Variants in NOSTRIN observed in about 807,000 individuals in gnomAD.
The protein encoded by NOSTRIN is nitric oxide synthase trafficking, also known as BM247 homolog.
In NOSTRIN, 63 loss-of-function variants were observed where a neutral mutation model predicts 59.0. The observed-to-expected ratio is 1.07, with a 90% CI of 0.87 to 1.32. NOSTRIN has a LOEUF of 1.32. Among genes scored for constraint, NOSTRIN ranks in the 40% most tolerant of loss-of-function variants. The pLI is 0.00. For missense variants in NOSTRIN, 512 were observed against 473.1 expected, an observed-to-expected ratio of 1.08 and a Z score of -0.76; for synonymous variants, 200 against 165.4, an observed-to-expected ratio of 1.21 and a Z score of -1.61.
rs376539345 is a variant in NOSTRIN, at chr2:168,814,432, C to T, written c.113+2780C>T. 9.1e-4 allele frequency among the ~76,000 whole-genome samples: 138 copies of T among 152,308 alleles called. 1 individual carries two copies. Among genetic ancestry groups the T allele is most frequent in the African/African-American group, 2.8e-3 (117 of 41,566 alleles). ...GATTCCCACCAGCTATCTAGAAATG[C>T]GCCTTGCCCTTATTTTCCTCTTAAA... On this transcript the variant is annotated intron_variant, in intron 2 of 15. Coordinates refer to ENST00000317647, the MANE Select transcript of NOSTRIN (RefSeq NM_001039724.4).
rs1336869811 is a variant in NOSTRIN at position 168,839,864 on chromosome 2, C to T, written c.505-3128C>T. ...TCGCACCACTGTACTCCAGCCTGGC[C>T]GACCAGAGAGACTCCGTCTCAAAAA... On this transcript the variant is annotated intron_variant, in intron 7 of 15. Coordinates refer to ENST00000317647, the MANE Select transcript of NOSTRIN (RefSeq NM_001039724.4). 2.9e-4 allele frequency among the ~76,000 whole-genome samples: 37 copies of T among 125,728 alleles called. 1 individual carries two copies. The highest frequency in any genetic ancestry group is 8.4e-4 in the African/African-American group (26 of 30,948). 82.5% of individuals were successfully genotyped at this position (125,728 alleles called of 152,430 possible). A position where few individuals can be genotyped will look rare whatever the true frequency, so the allele number is the denominator to read the frequency against.
rs779984151 is a variant in NOSTRIN at position 168,851,104 on chromosome 2, G to A, written c.651G>A (p.Lys217=). Residue 217 remains lysine, a synonymous_variant, in exon 9 of 16, where the codon AAG becomes AAA. Transcript: ENST00000317647. The part of the protein sequence containing the change: ...NCYQSILELE[K]ERIQLLCNNL... ...TTCAGAGCATTCTGGAGCTGGAGAA[G>A]GAAAGAATTCAACTTTTATGCAATA... 9 of 1,550,772 alleles carry A rather than the reference G, an allele frequency of 5.8e-6. No individual in the cohort carries two copies. In the South Asian group the frequency reaches 8.9e-5, roughly 15 times the overall value.
At chr2:168,810,182 T>C (rs1003753391) in intron 1 of NOSTRIN, among the ~76,000 whole-genome samples, 4 of 152,212 alleles carry the variant, frequency 2.6e-5, no homozygotes, top group African/African-American at 9.6e-5. Flanking sequence ...AACTCTGCTT[T>C]AGAAATTAGC....
chr2:168,838,786 A>ACT (rs1553528792), intron 7 of NOSTRIN, among the ~76,000 whole-genome samples: 1,419 of 120,376 alleles, frequency 0.012, 25 homozygotes, highest in African/African-American at 0.05. Flanking sequence ...AATAAAAAAA[A>ACT]CTCTTTTTTT....
At chr2:168,851,061 AC>A in intron 8 of NOSTRIN, 22 bp from the exon 9 acceptor site, 1 of 1,318,732 alleles carries the variant, frequency 7.6e-7, no homozygotes, top group Non-Finnish European at 1.1e-6. Context: ...GGCTGATCTT[AC>A]CCCAATTTTC....
At chr2:168,863,899 C>A (rs1259878591) in intron 15 of NOSTRIN, among the ~76,000 whole-genome samples, 4 of 151,924 alleles carry the variant, frequency 2.6e-5, no homozygotes, top group African/African-American at 9.7e-5. Context: ...GATATATGAT[C>A]CAACGTGATC....
chr2:168,860,382 A>T (rs868584021), intron 13 of NOSTRIN, among the ~76,000 whole-genome samples: 9 of 152,208 alleles, frequency 5.9e-5, no homozygotes, highest in Non-Finnish European at 1.0e-4. Context: ...CAGTTTAAAA[A>T]CTTCCAGTCC....
At chr2:168,826,033 A>G (rs1273523386) in intron 3 of NOSTRIN, among the ~76,000 whole-genome samples, 2 of 152,254 alleles carry the variant, frequency 1.3e-5, no homozygotes, top group Non-Finnish European at 2.9e-5. Context: ...TTAACAGGTG[A>G]GTGACCTAGG....
chr2:168,840,283 C>T (rs2105704087), intron 7 of NOSTRIN, among the ~76,000 whole-genome samples: 1 of 152,184 alleles, frequency 6.6e-6, no homozygotes, highest in Non-Finnish European at 1.5e-5. Flanking sequence ...GTAATCCCAG[C>T]ACTTTGGGAG....
upstream of NOSTRIN, chr2:168,802,610 G>A (rs1203562990): frequency 2.3e-6 from 2 of 864,750 alleles, no homozygotes; most frequent in East Asian, 2.4e-5. Flanking sequence ...GAATGCTGGA[G>A]CGTAGGTGAA....
chr2:168,863,829 A>T (rs1356321659), intron 15 of NOSTRIN, among the ~76,000 whole-genome samples: 1 of 152,222 alleles, frequency 6.6e-6, no homozygotes, highest in Non-Finnish European at 1.5e-5. Flanking sequence ...GACACCAAGA[A>T]AGAGTTTGGT....
At chr2:168,796,180 G>C (rs539779150), upstream of NOSTRIN, among the ~76,000 whole-genome samples, 52 of 152,362 alleles carry the variant, frequency 3.4e-4, no homozygotes, top group African/African-American at 1.2e-3. Flanking sequence ...TGTGCATGCA[G>C]TGACAACAGG....
Position 168,835,587 on chromosome 2 carries a change from A to C in NOSTRIN, c.504+1262A>C, listed in dbSNP as rs566230920. On this transcript the variant is annotated intron_variant, in intron 7 of 15. Transcript: ENST00000317647. ...CAGAAATCCTCTAAGATATTTGTGC[A>C]TTTTGTGTATGTTAACCTAACTGGA... 7.9e-5 allele frequency among the ~76,000 whole-genome samples: 12 copies of C among 152,324 alleles called. No individual in the cohort carries two copies. In the South Asian group the frequency reaches 2.3e-3, roughly 29 times the overall value.
At chr2:168,800,670 G>A (rs1685587498), upstream of NOSTRIN, among the ~76,000 whole-genome samples, 1 of 152,064 alleles carries the variant, frequency 6.6e-6, no homozygotes, top group African/African-American at 2.4e-5. Flanking sequence ...CACTTCTTAT[G>A]GAAACTGGCA....
intron 15 of NOSTRIN, chr2:168,863,642 A>G: frequency 1.0e-6 from 1 of 972,050 alleles, no homozygotes; most frequent in Non-Finnish European, 1.2e-6. Context: ...TACATTTTGA[A>G]TGGGGAGTTA....
At chr2:168,836,788 C>T (rs1046003192) in intron 7 of NOSTRIN, among the ~76,000 whole-genome samples, 8 of 152,206 alleles carry the variant, frequency 5.3e-5, no homozygotes, top group African/African-American at 1.9e-4. Context: ...GCTCTAATCT[C>T]ATCCCATTCT....
chr2:168,862,138 G>GAGTT lies in NOSTRIN; in HGVS notation c.1384+91_1384+94dup. The GAGTT allele has an allele frequency of 2.6e-6, 3 of 1,144,410 alleles. No individual in the cohort carries two copies. The South Asian group carries it at 3.9e-5, about 15-fold the overall frequency. The allele number at this position is 1,144,410 out of a possible 1,614,324, so 70.9% of individuals were successfully genotyped here. ...CCCTGTCTTAGTGTGGCAGCCTTAA[G>GAGTT]AGTTACTACCATGTCAAATCAGTTC... On this transcript the variant is annotated intron_variant, in intron 15 of 15. Coordinates refer to ENST00000317647, the MANE Select transcript of NOSTRIN (RefSeq NM_001039724.4).
intron 3 of NOSTRIN, among the ~76,000 whole-genome samples, chr2:168,826,382 A>G (rs538444026): frequency 3.3e-5 from 5 of 152,316 alleles, no homozygotes; most frequent in South Asian, 4.1e-4. Flanking sequence ...GTTAGGTACT[A>G]CAGATATCCT....
intron 14 of NOSTRIN, among the ~76,000 whole-genome samples, chr2:168,861,196 C>A (rs1404858564): frequency 6.6e-6 from 1 of 152,142 alleles, no homozygotes; most frequent in Non-Finnish European, 1.5e-5. Flanking sequence ...CATAATCACA[C>A]CTAAACCATC....
Sources: allele counts gnomAD v4.1 joint callset (sites outside exome capture counted in the v4.1 genomes callset), GRCh38; gene constraint gnomAD v4.1.1; transcripts MANE v1.5; gene names NCBI Gene and HGNC (gene_info 2026-07-23, HGNC 2026-07-21).